Variants in ROR1 observed in about 807,000 individuals in gnomAD.
ROR1 encodes the protein inactive tyrosine-protein kinase transmembrane receptor ROR1.
In ROR1, 19 loss-of-function variants were observed where a neutral mutation model predicts 78.8. The ratio of observed to expected loss-of-function variants is 0.24; its 90% confidence interval spans 0.17 to 0.35. ROR1 has a LOEUF of 0.35. ROR1 is among the 10% of genes least tolerant of loss of function. The pLI, the probability that ROR1 is intolerant of heterozygous loss-of-function variation, is 1.00. For missense variants in ROR1, 917 were observed against 1,177.8 expected (o/e 0.78, Z 3.24); for synonymous variants, 386 against 433.6 (o/e 0.89, Z 1.36).
chr1:63,816,108 C>T (rs1644890730), intron 1 of ROR1, among the ~76,000 whole-genome samples: 1 of 152,186 alleles, frequency 6.6e-6, no homozygotes, highest in Non-Finnish European at 1.5e-5. Flanking sequence ...CCACTGGTGG[C>T]CGCTAGACAG....
intron 1 of ROR1, among the ~76,000 whole-genome samples, chr1:63,787,468 T>TCCTGCCTTCCTG (rs1273279088): frequency 0.023 from 2,655 of 115,278 alleles, 87 homozygotes; most frequent in African/African-American, 0.098. Flanking sequence ...CTTCCTTCCT[T>TCCTGCCTTCCTG]CCTTCCTTCC....
chr1:64,055,812 T>C (rs1049184124), intron 4 of ROR1, among the ~76,000 whole-genome samples: 1 of 152,192 alleles, frequency 6.6e-6, no homozygotes, highest in Non-Finnish European at 1.5e-5. Context: ...TACTATCTTA[T>C]TTTAGAACAT....
intron 1 of ROR1, among the ~76,000 whole-genome samples, chr1:63,889,246 A>G (rs1242552113): frequency 1.6e-5 from 2 of 128,900 alleles, no homozygotes; most frequent in East Asian, 1.9e-4. Context: ...CTTCTACCAT[A>G]TACTATTAGT....
intron 1 of ROR1, chr1:63,789,416 G>GCC: frequency 3.1e-6 from 1 of 326,222 alleles, no homozygotes; most frequent in Non-Finnish European, 5.8e-6. Context: ...AGCACTGCCT[G>GCC]CTGTCGGGAC....
chr1:64,145,797 G>A (rs1027978249), intron 7 of ROR1, among the ~76,000 whole-genome samples: 22 of 152,152 alleles, frequency 1.4e-4, no homozygotes, highest in African/African-American at 2.7e-4. Flanking sequence ...CACCTTCCAC[G>A]CACCAGGCAC....
chr1:63,975,390 C>A (rs1646151492), intron 1 of ROR1, among the ~76,000 whole-genome samples: 1 of 152,080 alleles, frequency 6.6e-6, no homozygotes, highest in African/African-American at 2.4e-5. Flanking sequence ...TTTCTTTCTG[C>A]CTTAGAAATA....
intron 1 of ROR1, among the ~76,000 whole-genome samples, chr1:63,799,388 C>G (rs1644781835): frequency 6.6e-6 from 1 of 152,210 alleles, no homozygotes; most frequent in African/African-American, 2.4e-5. Flanking sequence ...TTCTCCAATG[C>G]TAGCTGTGTC....
intron 1 of ROR1, among the ~76,000 whole-genome samples, chr1:63,962,581 A>G (rs754426262): frequency 4.6e-5 from 7 of 152,200 alleles, no homozygotes; most frequent in Non-Finnish European, 8.8e-5. Context: ...GGAGTTGGTG[A>G]TGATTTAACT....
At chr1:63,848,831 G>A (rs1452229630) in intron 1 of ROR1, among the ~76,000 whole-genome samples, 1 of 152,118 alleles carries the variant, frequency 6.6e-6, no homozygotes, top group Non-Finnish European at 1.5e-5. Context: ...TGTCCCCAAA[G>A]GGACAAACCT....
intron 1 of ROR1, among the ~76,000 whole-genome samples, chr1:63,887,650 A>G (rs1217439616): frequency 5.3e-5 from 8 of 152,202 alleles, no homozygotes; most frequent in Non-Finnish European, 1.2e-4. Context: ...AAAAGCGTGT[A>G]TTCACTGCAA....
At chr1:64,085,860 C>T (rs1267879340) in intron 4 of ROR1, among the ~76,000 whole-genome samples, 2 of 152,112 alleles carry the variant, frequency 1.3e-5, no homozygotes, top group Non-Finnish European at 2.9e-5. Context: ...AGGCCTGTGA[C>T]TTTAAGTGTT....
At chr1:64,085,422 C>T (rs1014447728) in intron 4 of ROR1, among the ~76,000 whole-genome samples, 4 of 152,086 alleles carry the variant, frequency 2.6e-5, no homozygotes, top group African/African-American at 7.2e-5. Context: ...CAATGGCATT[C>T]GTTGTTATAA....
intron 4 of ROR1, chr1:64,110,878 C>A (rs2100673326): frequency 6.6e-6 from 1 of 152,130 alleles, no homozygotes; most frequent in South Asian, 2.1e-4. Flanking sequence ...AAAATACTTT[C>A]ATACCATATA....
At chr1:63,807,755 G>T (rs553394428) in intron 1 of ROR1, among the ~76,000 whole-genome samples, 1 of 152,170 alleles carries the variant, frequency 6.6e-6, no homozygotes, top group Non-Finnish European at 1.5e-5. Flanking sequence ...TGGTCCTGGG[G>T]TGGGGATATT....
In ROR1 at chr1:63,774,720, C is replaced by A. The variant is rs1478880926; in HGVS notation, c.91+212C>A. Among the ~76,000 whole-genome samples, 1 of 151,366 alleles carries A rather than the reference C, an allele frequency of 6.6e-6. No individual in the cohort carries two copies. The highest frequency in any genetic ancestry group is 1.5e-5 in the Non-Finnish European group (1 of 67,786). On this transcript the variant is annotated intron_variant, in intron 1 of 8. Coordinates refer to ENST00000371079, the MANE Select transcript of ROR1 (RefSeq NM_005012.4). This position sits in a 1 kb window ranked among gnomAD's most constrained non-coding sequence, Gnocchi z 5.7. ...TTTGCCCCGGAGCCCCGCGGCGGGC[C>A]GGGGCGCGCCCAGGGACTCGTTCCT...
At chr1:64,072,569 T>C (rs932846790) in intron 4 of ROR1, among the ~76,000 whole-genome samples, 2 of 152,182 alleles carry the variant, frequency 1.3e-5, no homozygotes, top group Non-Finnish European at 2.9e-5. Flanking sequence ...AATATAAATA[T>C]GTTTGTGGGG....
chr1:64,047,392 C>T (rs1291941364), intron 2 of ROR1, among the ~76,000 whole-genome samples: 1 of 152,146 alleles, frequency 6.6e-6, no homozygotes, highest in African/African-American at 2.4e-5. Context: ...TCAGATGGAG[C>T]CCTGTTTATT....
At chr1:63,783,740 T>G (rs1453746002) in intron 1 of ROR1, among the ~76,000 whole-genome samples, 1 of 152,166 alleles carries the variant, frequency 6.6e-6, no homozygotes, top group East Asian at 1.9e-4. Context: ...CGACCACATG[T>G]CTGTTGAAAA....
chr1:63,806,125 A>G (rs777155180), intron 1 of ROR1, among the ~76,000 whole-genome samples: 4 of 152,154 alleles, frequency 2.6e-5, no homozygotes, highest in Non-Finnish European at 5.9e-5. Context: ...GCAACAAAGA[A>G]ATCCGTTTTA....
Sources: gnomAD v4.1 joint callset for allele counts (sites outside exome capture counted in the v4.1 genomes callset) on GRCh38, gnomAD v4.1.1 for gene constraint, Gnocchi (gnomAD v3.1) non-coding constraint, MANE v1.5 for transcripts, NCBI Gene and HGNC (gene_info 2026-07-23, HGNC 2026-07-21) for gene names.